AATF: variants seen among roughly 807,000 people sequenced by gnomAD.
The protein encoded by AATF is protein AATF.
AATF carries 48 observed loss-of-function variants against 63.7 expected under a neutral mutation model. That is an observed-to-expected ratio of 0.75 (90% CI 0.60 to 0.96). The LOEUF is 0.96. Among genes scored for constraint, AATF ranks in the 40% least tolerant of loss-of-function variants. The probability of loss-of-function intolerance (pLI) is 0.00; values close to 1 mark genes in which losing one functional copy is unlikely to be tolerated. For synonymous variants in AATF, 258 were observed against 247.7 expected (o/e 1.04, Z -0.39); for missense variants, 639 against 685.7 (o/e 0.93, Z 0.76).
chr17:36,970,222 G>C (rs2071028021), intron 4 of AATF, among the ~76,000 whole-genome samples: 1 of 152,132 alleles, frequency 6.6e-6, no homozygotes, highest in Non-Finnish European at 1.5e-5. Context: ...ATACCATTTT[G>C]CAGTCCCACC....
Position 36,960,018 on chromosome 17 carries a change from T to C in AATF, c.832+6111T>C, listed in dbSNP as rs192185579. On this transcript the variant is annotated intron_variant, in intron 4 of 11. Coordinates refer to ENST00000619387, the MANE Select transcript of AATF (RefSeq NM_012138.4). The stretch of plus-strand genomic sequence containing the variant: ...TATTTTGACTTGACTAGACTAAAAT[T>C]TTTTTCCCCCCCCGAGATGGAGTCT... Among the ~76,000 whole-genome samples, 1,362 of 150,018 alleles carry C rather than the reference T, an allele frequency of 9.1e-3. 25 individuals are homozygous for C. The highest frequency in any genetic ancestry group is 0.033 in the African/African-American group (1,291 of 39,698).
intron 8 of AATF, among the ~76,000 whole-genome samples, chr17:36,999,381 G>A (rs1269080749): frequency 6.6e-6 from 1 of 152,114 alleles, no homozygotes; most frequent in Non-Finnish European, 1.5e-5. Context: ...ACTGCATGTG[G>A]CTGTTTAGAT....
intron 10 of AATF, among the ~76,000 whole-genome samples, chr17:37,031,097 A>T (rs1040644518): frequency 6.6e-6 from 1 of 152,200 alleles, no homozygotes; most frequent in Non-Finnish European, 1.5e-5. Flanking sequence ...AAAGGGAAAA[A>T]TGTACAGTCA....
At chr17:37,033,171 G>T (rs2071564704) in intron 11 of AATF, among the ~76,000 whole-genome samples, 1 of 152,160 alleles carries the variant, frequency 6.6e-6, no homozygotes, top group South Asian at 2.1e-4. Flanking sequence ...ATTTGTGTCT[G>T]GCTTTGTGAC....
intron 8 of AATF, among the ~76,000 whole-genome samples, chr17:37,004,399 G>A (rs952578294): frequency 2.6e-5 from 4 of 152,176 alleles, no homozygotes; most frequent in African/African-American, 7.2e-5. Flanking sequence ...GAGGTTTGCT[G>A]TAATGGGAAT....
At chr17:37,017,017 G>A (rs747531705) in intron 8 of AATF, among the ~76,000 whole-genome samples, 8 of 152,230 alleles carry the variant, frequency 5.3e-5, no homozygotes, top group Non-Finnish European at 1.5e-5. Context: ...TACACAAAGT[G>A]TTTGAAAGTA....
At chr17:36,957,076 A>C (rs1382911710) in intron 4 of AATF, among the ~76,000 whole-genome samples, 1 of 152,184 alleles carries the variant, frequency 6.6e-6, no homozygotes, top group Non-Finnish European at 1.5e-5. Context: ...ACATAGGCTG[A>C]ATTTGTACCA....
intron 10 of AATF, among the ~76,000 whole-genome samples, chr17:37,022,632 A>G (rs1304445965): frequency 6.6e-6 from 1 of 152,192 alleles, no homozygotes. Flanking sequence ...TTTGAATCCC[A>G]GCTTTGACAT....
At chr17:36,955,000 A>C (rs186090295) in intron 4 of AATF, among the ~76,000 whole-genome samples, 25 of 152,038 alleles carry the variant, frequency 1.6e-4, no homozygotes, top group African/African-American at 5.5e-4. Context: ...TTATGTATCT[A>C]TCTCTCTATA....
intron 4 of AATF, among the ~76,000 whole-genome samples, chr17:36,968,535 C>T (rs2071013936): frequency 1.3e-5 from 2 of 151,960 alleles, no homozygotes; most frequent in South Asian, 4.1e-4. Flanking sequence ...CTTGACTTCT[C>T]AAAGCACTGG....
chr17:37,021,075 T>G (rs2071466371), intron 10 of AATF, 61 bp downstream of exon 10: 2 of 1,215,266 alleles, frequency 1.6e-6, no homozygotes, highest in Admixed American at 2.7e-5. Context: ...TCTCTTACAT[T>G]CTGGCTGTTA....
intron 11 of AATF, among the ~76,000 whole-genome samples, chr17:37,047,893 G>A (rs1383589350): frequency 6.6e-6 from 1 of 152,184 alleles, no homozygotes; most frequent in African/African-American, 2.4e-5. Flanking sequence ...AAGAGTTTCA[G>A]CTAGTGTCGG....
intron 8 of AATF, among the ~76,000 whole-genome samples, chr17:37,009,850 A>AAAAAAAC (rs2071376139): frequency 6.7e-6 from 1 of 150,122 alleles, no homozygotes; most frequent in Non-Finnish European, 1.5e-5. Flanking sequence ...AAAAAAAAAA[A>AAAAAAAC]CCATGCAGAT....
chr17:37,011,888 A>C (rs1884378467), intron 8 of AATF, among the ~76,000 whole-genome samples: 1 of 152,106 alleles, frequency 6.6e-6, no homozygotes, highest in South Asian at 2.1e-4. Context: ...GTGAATGGGC[A>C]ATGTGGAGTG....
At chr17:37,003,981 T>C (rs541567603) in intron 8 of AATF, among the ~76,000 whole-genome samples, 4 of 152,174 alleles carry the variant, frequency 2.6e-5, no homozygotes, top group African/African-American at 9.6e-5. Context: ...GGCATGTGCC[T>C]CTACTCCCAG....
At chr17:36,991,581 G>A (rs1315668174) in intron 8 of AATF, among the ~76,000 whole-genome samples, 6 of 146,044 alleles carry the variant, frequency 4.1e-5, no homozygotes, top group African/African-American at 1.6e-4. Context: ...CTCTTGATAA[G>A]TTATACTTTT....
chr17:36,973,738 A>G (rs1330331706), intron 4 of AATF, among the ~76,000 whole-genome samples: 2 of 152,238 alleles, frequency 1.3e-5, no homozygotes, highest in South Asian at 2.1e-4. Flanking sequence ...ATGATAAATT[A>G]TAAAAATACA....
At chr17:37,009,494 G>A (rs1287273889) in intron 8 of AATF, among the ~76,000 whole-genome samples, 2 of 151,668 alleles carry the variant, frequency 1.3e-5, no homozygotes, top group East Asian at 3.9e-4. Context: ...TTGGAATGGG[G>A]AGGGGAAAAA....
At chr17:37,037,643 GC>G (rs2071604267) in intron 11 of AATF, among the ~76,000 whole-genome samples, 1 of 152,142 alleles carries the variant, frequency 6.6e-6, no homozygotes, top group South Asian at 2.1e-4. Flanking sequence ...AATATCACAT[GC>G]CCCCCATAAA....
Sources: gnomAD v4.1 joint callset for allele counts (sites outside exome capture counted in the v4.1 genomes callset) on GRCh38, gnomAD v4.1.1 for gene constraint, MANE v1.5 for transcripts, NCBI Gene and HGNC (gene_info 2026-07-23, HGNC 2026-07-21) for gene names.